The following PCDH15 variants were observed in gnomAD, a reference collection of about 807,000 sequenced individuals.
PCDH15 encodes the protein protocadherin-15.
A neutral mutation model predicts 178.5 loss-of-function variants in PCDH15; 129 were observed. The ratio of observed to expected loss-of-function variants is 0.72; its 90% CI spans 0.63 to 0.84. The LOEUF is 0.84. Ranked by LOEUF, PCDH15 falls within the 40% of genes least tolerant of loss-of-function variation. The pLI is 0.00. For missense variants in PCDH15, 2,230 were observed against 2,099.9 expected (o/e 1.06, Z -1.21); for synonymous variants, 800 against 732.0 (o/e 1.09, Z -1.50).
intron 2 of PCDH15, among the ~76,000 whole-genome samples, chr10:54,974,409 G>A (rs72800058): frequency 0.033 from 5,035 of 151,478 alleles, 96 homozygotes; most frequent in Non-Finnish European, 0.047. Flanking sequence ...CTCTATTTAT[G>A]TTGATACTTT....
At chr10:54,498,996 C>T (rs886364117) in intron 3 of PCDH15, among the ~76,000 whole-genome samples, 1 of 152,038 alleles carries the variant, frequency 6.6e-6, no homozygotes, top group African/African-American at 2.4e-5. Flanking sequence ...TACTCACTAT[C>T]ACTAGAACAG....
At chr10:54,721,087 C>T (rs1189758023) in intron 1 of PCDH15, among the ~76,000 whole-genome samples, 1 of 151,934 alleles carries the variant, frequency 6.6e-6, no homozygotes, top group Non-Finnish European at 1.5e-5. Context: ...AAGAGTAATT[C>T]TCAAAACTAC....
At chr10:54,783,157 C>T (rs1950533652) in intron 1 of PCDH15, among the ~76,000 whole-genome samples, 1 of 151,924 alleles carries the variant, frequency 6.6e-6, no homozygotes, top group East Asian at 1.9e-4. Context: ...CTATGGAATG[C>T]TTGAAAAAGA....
intron 28 of PCDH15, 93 bp downstream of exon 28, chr10:53,857,082 A>C: frequency 1.1e-6 from 1 of 919,448 alleles, no homozygotes; most frequent in Non-Finnish European, 1.7e-6. Flanking sequence ...ACACCTGCAC[A>C]TGTATCCCCT....
intron 2 of PCDH15, among the ~76,000 whole-genome samples, chr10:55,011,187 TA>T (rs1467193437): frequency 4.6e-5 from 7 of 151,980 alleles, no homozygotes; most frequent in Non-Finnish European, 2.9e-5. Context: ...GAAAAACATA[TA>T]ACTACACATA....
intron 2 of PCDH15, among the ~76,000 whole-genome samples, chr10:54,961,792 C>T (rs928089391): frequency 2.6e-5 from 4 of 151,910 alleles, no homozygotes; most frequent in African/African-American, 9.7e-5. Context: ...CTCACTGGGA[C>T]AACCTGCCTG....
At chr10:54,633,206 C>A (rs1233293789) in intron 2 of PCDH15, among the ~76,000 whole-genome samples, 1 of 151,990 alleles carries the variant, frequency 6.6e-6, no homozygotes, top group Non-Finnish European at 1.5e-5. Flanking sequence ...AGGGAGCCTG[C>A]ATAATCCTGA....
intron 1 of PCDH15, among the ~76,000 whole-genome samples, chr10:55,207,003 CTT>C (rs1840420857): frequency 6.6e-6 from 1 of 151,856 alleles, no homozygotes; most frequent in Non-Finnish European, 1.5e-5. Flanking sequence ...TTCTCTTTCT[CTT>C]TGTTTCTCTC....
intron 2 of PCDH15, among the ~76,000 whole-genome samples, chr10:55,156,033 G>A (rs552195851): frequency 6.6e-6 from 1 of 152,152 alleles, no homozygotes; most frequent in Non-Finnish European, 1.5e-5. Flanking sequence ...CGTGATCACA[G>A]GAAACCCACG....
chr10:54,604,670 T>G (rs1017726056), intron 2 of PCDH15, among the ~76,000 whole-genome samples: 3 of 151,976 alleles, frequency 2.0e-5, no homozygotes, highest in African/African-American at 7.2e-5. Flanking sequence ...CTTAAATAGT[T>G]GGTGCCAAGT....
intron 22 of PCDH15, among the ~76,000 whole-genome samples, chr10:53,960,354 A>G (rs1297749548): frequency 6.6e-6 from 1 of 152,202 alleles, no homozygotes; most frequent in Non-Finnish European, 1.5e-5. Context: ...TCTAGAGGAT[A>G]AAATTGGAAA....
At chr10:54,608,786 T>G (rs2134208949) in intron 2 of PCDH15, among the ~76,000 whole-genome samples, 1 of 151,924 alleles carries the variant, frequency 6.6e-6, no homozygotes, top group South Asian at 2.1e-4. Context: ...TCATTTGTTT[T>G]CCACAGCTAT....
chr10:54,587,192 A>G (rs2133878742), intron 2 of PCDH15, among the ~76,000 whole-genome samples: 1 of 152,326 alleles, frequency 6.6e-6, no homozygotes, highest in South Asian at 2.1e-4. Context: ...ATCACTACAC[A>G]TCTATTATTC....
chr10:54,727,900 T>G (rs557465273), intron 1 of PCDH15, among the ~76,000 whole-genome samples: 1 of 151,578 alleles, frequency 6.6e-6, no homozygotes, highest in South Asian at 2.1e-4. Context: ...ATTGCAACCC[T>G]GAATACAGCA....
chr10:54,593,029 A>C (rs560724119), intron 2 of PCDH15, among the ~76,000 whole-genome samples: 1 of 152,134 alleles, frequency 6.6e-6, no homozygotes, highest in African/African-American at 2.4e-5. Flanking sequence ...CCATTTTTGT[A>C]AATTTATTTT....
intron 2 of PCDH15, among the ~76,000 whole-genome samples, chr10:55,013,166 T>C (rs901605267): frequency 2.6e-5 from 4 of 152,114 alleles, no homozygotes; most frequent in African/African-American, 7.2e-5. Context: ...ATCTTACAAA[T>C]CCATTCATGT....
chr10:54,680,318 G>A (rs2094875738), intron 1 of PCDH15, among the ~76,000 whole-genome samples: 2 of 152,208 alleles, frequency 1.3e-5, no homozygotes, highest in Middle Eastern at 6.8e-3. Flanking sequence ...ATGAAAACAA[G>A]CCTGAAGCGT....
chr10:55,174,513 C>G (rs1266073927), intron 1 of PCDH15, among the ~76,000 whole-genome samples: 1 of 42,166 alleles, frequency 2.4e-5, no homozygotes, highest in Non-Finnish European at 5.7e-5. Flanking sequence ...ATGAGATGGC[C>G]AAAGTGTCCA....
intron 2 of PCDH15, among the ~76,000 whole-genome samples, chr10:55,532,106 T>A (rs565613705): frequency 6.6e-6 from 1 of 151,126 alleles, no homozygotes; most frequent in African/African-American, 2.4e-5. Flanking sequence ...AATTTTCTAA[T>A]ATTTATTTAT....
Sources: gnomAD v4.1 joint callset for allele counts (sites outside exome capture counted in the v4.1 genomes callset) on GRCh38, gnomAD v4.1.1 for gene constraint, MANE v1.5 for transcripts, NCBI Gene and HGNC (gene_info 2026-07-23, HGNC 2026-07-21) for gene names.